The following ADK variants were observed in gnomAD, a reference collection of about 807,000 sequenced individuals.
ADK encodes N6,N6-dimethyladenosine kinase.
ADK carries 24 observed loss-of-function variants against 44.7 expected under a neutral mutation model. The ratio of observed to expected loss-of-function variants is 0.54; its 90% confidence interval spans 0.39 to 0.76. ADK has a LOEUF of 0.76. Among genes scored for constraint, ADK ranks in the 30% least tolerant of loss-of-function variants. ADK has a pLI of 0.00. For synonymous variants in ADK, 128 were observed against 142.6 expected, an observed-to-expected ratio of 0.90 and a Z score of 0.73; for missense variants, 321 against 425.1, an observed-to-expected ratio of 0.76 and a Z score of 2.15.
At chr10:74,468,674 G>A (rs955188626) in intron 6 of ADK, among the ~76,000 whole-genome samples, 4 of 151,972 alleles carry the variant, frequency 2.6e-5, no homozygotes, top group Non-Finnish European at 4.4e-5. Flanking sequence ...AGATGAATAG[G>A]TTATCTCTAA....
chr10:74,367,254 A>G (rs1009083441), intron 4 of ADK, among the ~76,000 whole-genome samples: 1 of 152,188 alleles, frequency 6.6e-6, no homozygotes, highest in African/African-American at 2.4e-5. Context: ...ACATTCAGCA[A>G]TGGTTTATAT....
chr10:74,596,292 A>G (rs1368271133), intron 8 of ADK, among the ~76,000 whole-genome samples: 1 of 152,202 alleles, frequency 6.6e-6, no homozygotes, highest in Non-Finnish European at 1.5e-5. Context: ...ACATTACTTA[A>G]CGTCTCTGAC....
intron 6 of ADK, among the ~76,000 whole-genome samples, chr10:74,477,772 CA>C (rs1360541051): frequency 6.6e-6 from 1 of 152,090 alleles, no homozygotes; most frequent in Non-Finnish European, 1.5e-5. Context: ...GTTCTGTAAC[CA>C]AACATATTCT....
At chr10:74,695,605 CTGTGTATGTGTGGGG>C (rs1415637144) in intron 10 of ADK, among the ~76,000 whole-genome samples, 6 of 60,560 alleles carry the variant, frequency 9.9e-5, no homozygotes, top group Non-Finnish European at 1.8e-4. Flanking sequence ...TTTACAATTC[CTGTGTATGTGTGGGG>C]TGTGTGTGTG....
At chr10:74,447,046 G>A (rs1845612096) in intron 6 of ADK, among the ~76,000 whole-genome samples, 1 of 152,086 alleles carries the variant, frequency 6.6e-6, no homozygotes, top group African/African-American at 2.4e-5. Flanking sequence ...ACGTAGAGCA[G>A]GTACTATAGG....
intron 1 of ADK, among the ~76,000 whole-genome samples, chr10:74,168,480 A>G (rs2132049899): frequency 6.8e-6 from 1 of 147,482 alleles, no homozygotes; most frequent in African/African-American, 2.5e-5. Context: ...CGGAGCTTGC[A>G]GTGAGCCGAG....
intron 4 of ADK, among the ~76,000 whole-genome samples, chr10:74,347,128 A>G (rs1340260580): frequency 6.4e-5 from 3 of 46,532 alleles, no homozygotes; most frequent in African/African-American, 1.2e-4. Flanking sequence ...AAAAAAAAAA[A>G]AAAAAAAAAA....
intron 5 of ADK, among the ~76,000 whole-genome samples, chr10:74,394,714 A>T (rs1366298703): frequency 1.3e-5 from 2 of 152,046 alleles, no homozygotes; most frequent in African/African-American, 4.8e-5. Flanking sequence ...ACAGAGAGAG[A>T]GTGTGTGTGT....
At chr10:74,611,707 T>G (rs531911633) in intron 9 of ADK, among the ~76,000 whole-genome samples, 1 of 151,992 alleles carries the variant, frequency 6.6e-6, no homozygotes, top group African/African-American at 2.4e-5. Flanking sequence ...CTCCCACTTA[T>G]AAGTGAGATT....
chr10:74,677,965 C>CAAAAAAAAAA, intron 10 of ADK, among the ~76,000 whole-genome samples: 1 of 43,076 alleles, frequency 2.3e-5, no homozygotes, highest in Non-Finnish European at 3.9e-5. Flanking sequence ...CCAGTCTCTA[C>CAAAAAAAAAA]AAAAAAAAAA....
intron 9 of ADK, among the ~76,000 whole-genome samples, chr10:74,627,456 G>GT (rs1306935442): frequency 6.6e-6 from 1 of 152,064 alleles, no homozygotes; most frequent in East Asian, 1.9e-4. Context: ...TCCAGCCTGG[G>GT]TGACAGAGTG....
chr10:74,284,203 G>T (rs376988892), intron 3 of ADK, among the ~76,000 whole-genome samples: 1 of 150,372 alleles, frequency 6.7e-6, no homozygotes, highest in East Asian at 2.0e-4. Flanking sequence ...CAGGTGATCC[G>T]CCAGTCTTGG....
chr10:74,564,065 C>G (rs1357870300), intron 7 of ADK, among the ~76,000 whole-genome samples: 1 of 149,056 alleles, frequency 6.7e-6, no homozygotes. Context: ...CACAACAGTC[C>G]CCAGAGTGTG....
chr10:74,602,765 A>G (rs1852188119), intron 9 of ADK, among the ~76,000 whole-genome samples: 1 of 152,232 alleles, frequency 6.6e-6, no homozygotes, highest in African/African-American at 2.4e-5. Flanking sequence ...AGCAAACATG[A>G]TAAATGTTAA....
chr10:74,476,703 C>A (rs1305833077), intron 6 of ADK, among the ~76,000 whole-genome samples: 1 of 152,164 alleles, frequency 6.6e-6, no homozygotes. Flanking sequence ...TCACAGTTTG[C>A]ATTCCATCTT....
At position 74,599,432 on chromosome 10, in the gene ADK, C is replaced by T. The variant is rs182238365; in HGVS notation, c.763-947C>T. On this transcript the variant is annotated intron_variant, in intron 8 of 10. Coordinates refer to ENST00000539909, the MANE Select transcript of ADK (RefSeq NM_006721.4). ...TTCTCTCTCATATATTCTATTTGTT[C>T]TCTTATATATACTTTATTTATGCCA... Among the ~76,000 whole-genome samples, 492 of 152,170 alleles carry T rather than the reference C, an allele frequency of 3.2e-3. 2 individuals carry two copies. The highest frequency in any genetic ancestry group is 0.011 in the African/African-American group (470 of 41,522).
At chr10:74,246,980 A>C (rs984462107) in intron 3 of ADK, among the ~76,000 whole-genome samples, 1 of 151,942 alleles carries the variant, frequency 6.6e-6, no homozygotes, top group Non-Finnish European at 1.5e-5. Flanking sequence ...TTTAACTTCT[A>C]ATATGATAAC....
intron 10 of ADK, among the ~76,000 whole-genome samples, chr10:74,696,453 C>T (rs1001974919): frequency 9.3e-4 from 142 of 151,958 alleles, no homozygotes; most frequent in Non-Finnish European, 8.2e-4. Flanking sequence ...GCAAGCTCCA[C>T]CTCCCGAGTT....
At chr10:74,526,649 A>G (rs953312031) in intron 7 of ADK, among the ~76,000 whole-genome samples, 3 of 152,218 alleles carry the variant, frequency 2.0e-5, no homozygotes, top group Non-Finnish European at 2.9e-5. Context: ...AGGATGATCC[A>G]TAGAAATAAT....
Sources: gnomAD v4.1 joint callset for allele counts (sites outside exome capture counted in the v4.1 genomes callset) on GRCh38, gnomAD v4.1.1 for gene constraint, MANE v1.5 for transcripts, NCBI Gene and HGNC (gene_info 2026-07-23, HGNC 2026-07-21) for gene names.